KIAA0753: variants seen among roughly 807,000 people sequenced by gnomAD.
The protein encoded by KIAA0753 is KIAA0753.
KIAA0753 carries 114 observed loss-of-function variants against 116.9 expected under a neutral mutation model. That is an observed-to-expected ratio of 0.98 (90% CI 0.84 to 1.14). The LOEUF (loss-of-function observed/expected upper bound fraction) is 1.14. Among genes scored for constraint, KIAA0753 ranks in the 50% most tolerant of loss-of-function variants. The pLI is 0.00. For synonymous variants in KIAA0753, 405 were observed against 413.1 expected, an observed-to-expected ratio of 0.98 and a Z score of 0.24; for missense variants, 1,156 against 1,172.4, an observed-to-expected ratio of 0.99 and a Z score of 0.20.
chr17:6,593,330 A>T (rs1969215335), intron 16 of KIAA0753, among the ~76,000 whole-genome samples: 2 of 152,246 alleles, frequency 1.3e-5, no homozygotes, highest in African/African-American at 4.8e-5. Context: ...CTGTAATCCC[A>T]GCACTTCGGG....
intron 10 of KIAA0753, 21 bp downstream of exon 10, chr17:6,608,327 C>A: frequency 1.6e-6 from 2 of 1,242,196 alleles, no homozygotes; most frequent in South Asian, 2.0e-5. Context: ...TCTCAAAGAT[C>A]TGAAAAATAC....
At chr17:6,584,722 A>G (rs76199047) in intron 18 of KIAA0753, among the ~76,000 whole-genome samples, 4,571 of 152,352 alleles carry the variant, frequency 0.03, 84 homozygotes, top group Middle Eastern at 0.078. Context: ...GTTCCACGGT[A>G]GAGTCTAAGT....
At chr17:6,590,973 CGAAGAA>C (rs1178286788) in intron 16 of KIAA0753, among the ~76,000 whole-genome samples, 2 of 127,734 alleles carry the variant, frequency 1.6e-5, no homozygotes, top group Non-Finnish European at 1.6e-5. Flanking sequence ...CCTTTAAATG[CGAAGAA>C]GAAGAAGAAG....
chr17:6,595,403 C>T (rs1359676762), intron 15 of KIAA0753, among the ~76,000 whole-genome samples: 2 of 152,154 alleles, frequency 1.3e-5, no homozygotes, highest in Admixed American at 6.5e-5. Flanking sequence ...CTAGTGGCTA[C>T]TGTTTTGAGC....
At chr17:6,588,443 G>A (rs1159500270) in intron 18 of KIAA0753, among the ~76,000 whole-genome samples, 1 of 152,154 alleles carries the variant, frequency 6.6e-6, no homozygotes, top group Non-Finnish European at 1.5e-5. Context: ...AACCATCCAG[G>A]AGATCTGGAG....
At chr17:6,587,595 A>G (rs1968673674) in intron 18 of KIAA0753, among the ~76,000 whole-genome samples, 1 of 152,248 alleles carries the variant, frequency 6.6e-6, no homozygotes. Context: ...GCGTGTTAAC[A>G]AAAGGAAGCA....
chr17:6,624,902 C>A, intron 3 of KIAA0753, 41 bp from the exon 4 acceptor site: 1 of 1,306,810 alleles, frequency 7.7e-7, no homozygotes, highest in Non-Finnish European at 1.1e-6. Flanking sequence ...GGATTATAAA[C>A]CATATATTAA....
chr17:6,611,074 A>G (rs1020875514), intron 8 of KIAA0753, among the ~76,000 whole-genome samples: 22 of 152,198 alleles, frequency 1.4e-4, no homozygotes, highest in Non-Finnish European at 2.6e-4. Flanking sequence ...CAAGACCACC[A>G]AATGTCACTA....
chr17:6,619,064 A>G (rs1192536122), intron 7 of KIAA0753, among the ~76,000 whole-genome samples: 1 of 152,122 alleles, frequency 6.6e-6, no homozygotes, highest in East Asian at 1.9e-4. Flanking sequence ...CCCCGTCTCT[A>G]CTAAAAATAC....
intron 14 of KIAA0753, among the ~76,000 whole-genome samples, chr17:6,598,855 C>T (rs1183513622): frequency 1.3e-5 from 2 of 152,106 alleles, no homozygotes; most frequent in Non-Finnish European, 2.9e-5. Context: ...ATATTAGGCC[C>T]CAAGTATAAA....
intron 2 of KIAA0753, among the ~76,000 whole-genome samples, chr17:6,629,383 C>G (rs1053342898): frequency 6.6e-6 from 1 of 152,128 alleles, no homozygotes; most frequent in Non-Finnish European, 1.5e-5. Context: ...TTGCATTTTC[C>G]AAAATCCAAT....
Position 6,579,762 on chromosome 17 carries a change from T to A in KIAA0753, c.2889A>T (p.Leu963Phe), listed in dbSNP as rs781464595. ...CAGAGAGCCTTTATGTAGCAGCCTC[T>A]AAGAATTCTGAGGTGAACACAGCTT... Reference protein sequence around the residue: ...YAEAVFTSEFLEAAT With the variant: ...YAEAVFTSEFFEAAT The change falls in exon 19 of 19, where the codon TTA (leucine) becomes TTT (phenylalanine). Residue 963 changes from leucine (L) to phenylalanine (F), a missense_variant. Physicochemically the swap from Leu to Phe is conservative, Grantham distance 22 (BLOSUM62 0). Coordinates refer to ENST00000361413, the MANE Select transcript of KIAA0753 (RefSeq NM_014804.3). 2.5e-6 allele frequency: 4 copies of A among 1,612,744 alleles called. No individual in the cohort carries two copies. Among genetic ancestry groups the A allele is most frequent in the Non-Finnish European group, 3.4e-6 (4 of 1,179,148 alleles).
chr17:6,622,900 A>G lies in KIAA0753; in HGVS notation c.1086T>C (p.Asp362=), dbSNP rs367905732. ...ADPSVPDVVI[D]ILQQIEALES... ...TCCATACCTCAATTTGTTGCAGAAT[A>G]TCTATAACCACATCAGGAACAGAAG... The change falls in exon 6 of 19, where the codon GAT becomes GAC. Residue 362 remains aspartate, a synonymous_variant. Transcript: ENST00000361413. The G allele has an allele frequency of 1.4e-5, 22 of 1,613,688 alleles. No homozygotes were observed. Among genetic ancestry groups the G allele is most frequent in the Non-Finnish European group, 1.9e-5 (22 of 1,179,562 alleles).
Position 6,608,426 on chromosome 17 carries a change from G to A in KIAA0753, c.1751C>T (p.Ala584Val). The A allele has an allele frequency of 6.4e-7, 1 of 1,563,754 alleles. No homozygotes were observed. The highest frequency in any genetic ancestry group is 1.2e-5 in the South Asian group (1 of 85,130). Reference protein sequence around the residue: ...WLKVKTSPRDATKEPLQQEDP... With the variant: ...WLKVKTSPRDVTKEPLQQEDP... Reference sequence around the variant, plus strand: ...TTCTTGCTGGAGAGGCTCTTTTGTGGCATCTCTGGGGCTAGTTTTCACCTT... The same window carrying A: ...TTCTTGCTGGAGAGGCTCTTTTGTGACATCTCTGGGGCTAGTTTTCACCTT... The change falls in exon 10 of 19, where the codon GCC (alanine) becomes GTC (valine). Residue 584 changes from alanine (A) to valine (V), a missense_variant. Transcript: ENST00000361413.
chr17:6,612,148 T>A lies in KIAA0753; in HGVS notation c.1316A>T (p.Asp439Val). Residue 439 changes from aspartate (D) to valine (V), a missense_variant and splice_region_variant, in exon 8 of 19, where the codon GAT (aspartate) becomes GTT (valine). Coordinates refer to ENST00000361413, the MANE Select transcript of KIAA0753 (RefSeq NM_014804.3). ...RPSVAKQLLA[D>V]KYQPDTELPE... Reference sequence around the variant, plus strand: ...AAGCTCCGTATCGGGCTGATACTTATCTACATGGAAATTTTTGAAAAACAA... The same window carrying A: ...AAGCTCCGTATCGGGCTGATACTTAACTACATGGAAATTTTTGAAAAACAA... 1 of 1,596,998 alleles carries A rather than the reference T, an allele frequency of 6.3e-7. No individual in the cohort carries two copies.
At chr17:6,631,346 T>G (rs540264720) in intron 2 of KIAA0753, among the ~76,000 whole-genome samples, 2 of 152,368 alleles carry the variant, frequency 1.3e-5, no homozygotes, top group East Asian at 3.9e-4. Flanking sequence ...TTTGCAGGCT[T>G]CTTCTTGAGC....
intron 18 of KIAA0753, among the ~76,000 whole-genome samples, chr17:6,587,683 C>A (rs529116130): frequency 6.6e-6 from 1 of 152,286 alleles, no homozygotes; most frequent in East Asian, 1.9e-4. Context: ...TCTACCAGAA[C>A]AAAGCATCTT....
intron 3 of KIAA0753, 56 bp downstream of exon 3, chr17:6,628,061 T>C: frequency 6.6e-7 from 1 of 1,524,678 alleles, no homozygotes; most frequent in Non-Finnish European, 8.9e-7. Context: ...GGAATGCATT[T>C]AAACTACCCC....
rs777984208 is a variant in KIAA0753, at chr17:6,628,707, T to C, written c.128A>G (p.His43Arg). 35 of 1,612,584 alleles carry C rather than the reference T, an allele frequency of 2.2e-5. No homozygotes were observed. The highest frequency in any genetic ancestry group is 2.7e-5 in the Non-Finnish European group (32 of 1,179,406). The change falls in exon 3 of 19, where the codon CAT becomes CGT. Residue 43 changes from histidine to arginine, a missense_variant. By Grantham distance (29) the His-to-Arg change is conservative. Coordinates refer to ENST00000361413, the MANE Select transcript of KIAA0753 (RefSeq NM_014804.3). ...ATATCGGATCGCCAAGTTGCTTGAA[T>C]GTGTAGGAACATTCCTATTAAACTG... ...QLQFNRNVPT[H>R]SSNLAIRYSC...
Sources: allele counts gnomAD v4.1 joint callset (sites outside exome capture counted in the v4.1 genomes callset), GRCh38; gene constraint gnomAD v4.1.1; transcripts MANE v1.5; gene names NCBI Gene and HGNC (gene_info 2026-07-23, HGNC 2026-07-21).